L1CAM: variants seen among roughly 807,000 people sequenced by gnomAD.
L1CAM encodes L1 cell adhesion molecule.
Under a neutral mutation model 93.0 loss-of-function variants are expected in L1CAM, and 8 were observed. The ratio of observed to expected loss-of-function variants is 0.09; its 90% CI spans 0.05 to 0.16. L1CAM has a LOEUF of 0.16. Ranked by LOEUF, L1CAM falls within the 10% of genes least tolerant of loss-of-function variation. L1CAM has a pLI of 1.00. For synonymous variants in L1CAM, 453 were observed against 453.0 expected (o/e 1.00, Z 0.00); for missense variants, 777 against 1,073.4 (o/e 0.72, Z 3.86).
chrX:153,868,426 T>C lies in L1CAM; in HGVS notation c.1579A>G (p.Thr527Ala). The C allele has an allele frequency of 1.7e-6, 2 of 1,211,887 alleles. No homozygotes were observed. The highest frequency in any genetic ancestry group is 2.2e-6 in the Non-Finnish European group (2 of 895,515). Residue 527 changes from threonine (T) to alanine (A), a missense_variant, in exon 14 of 29, where the codon ACA (threonine) becomes GCA (alanine). This residue lies in a region of L1CAM where 574 missense variants were observed against 781.0 expected (regional missense o/e 0.73). Coordinates refer to ENST00000370060, the MANE Select transcript of L1CAM (RefSeq NM_001278116.2). ...ACCCTGGAACCTTTCTTCTCGATTG[T>C]GCTGCGGGGCCCCTGAGTGATCTGA... ...ATQITQGPRSTIEKKGSRVTF... is the reference protein window; with the variant it reads ...ATQITQGPRSAIEKKGSRVTF...
At chrX:153,884,766 C>T (rs920567899) in intron 1 of L1CAM, among the ~76,000 whole-genome samples, 1 of 112,784 alleles carries the variant, frequency 8.9e-6, no homozygotes, top group Non-Finnish European at 1.9e-5. Flanking sequence ...CCACCACCTG[C>T]AGCAAGGAGC....
chrX:153,879,691 G>A (rs1203944087), intron 1 of L1CAM, among the ~76,000 whole-genome samples: 2 of 110,888 alleles, frequency 1.8e-5, no homozygotes, highest in Non-Finnish European at 3.8e-5. Context: ...GGCAAGGGAC[G>A]GCCGTGAGAC....
intron 1 of L1CAM, among the ~76,000 whole-genome samples, chrX:153,879,231 A>G (rs918120956): frequency 9.0e-6 from 1 of 111,113 alleles, no homozygotes; most frequent in Non-Finnish European, 1.9e-5. Context: ...AGGGGGGAGC[A>G]GGAGACAAAG....
chrX:153,871,294 G>A, intron 5 of L1CAM, 115 bp from the exon 6 acceptor site: 1 of 680,066 alleles, frequency 1.5e-6, no homozygotes, highest in Admixed American at 2.7e-5. Flanking sequence ...GAGGGGGCGA[G>A]AGGGTCAGGC....
chrX:153,869,445 C>T, intron 11 of L1CAM, 75 bp downstream of exon 11: 1 of 1,142,790 alleles, frequency 8.8e-7, no homozygotes, highest in Admixed American at 2.2e-5. Flanking sequence ...GCCAGCTGAG[C>T]CACTCTGGTG....
chrX:153,881,502 G>A (rs2064844784), intron 1 of L1CAM, among the ~76,000 whole-genome samples: 1 of 111,550 alleles, frequency 9.0e-6, no homozygotes, highest in African/African-American at 3.3e-5. Flanking sequence ...ATCTTGGGAT[G>A]GAGGCCATGC....
chrX:153,882,249 T>A lies in L1CAM; in HGVS notation c.-109+3816A>T, dbSNP rs986809886. ...TCCCCAGGGCTTGGGCATTCCTAAG[T>A]CATGAACACAGACGCAGATGGCTGG... On this transcript the variant is annotated intron_variant, in intron 1 of 28. Coordinates refer to ENST00000370060, the MANE Select transcript of L1CAM (RefSeq NM_001278116.2). 6.3e-5 allele frequency among the ~76,000 whole-genome samples: 7 copies of A among 110,686 alleles called. No homozygotes were observed. The East Asian group carries it at 2.0e-3, about 32-fold the overall frequency.
chrX:153,867,071 T>C lies in L1CAM; in HGVS notation c.2191A>G (p.Met731Val). The stretch of plus-strand genomic sequence containing the variant: ...ACTCTCACCTTCCACGTGATGACCA[T>C]ATTGGTGGTCTCATTTCCTTCCCCC... ...VKGEGNETTN[M>V]VITWKPLRWM... The change falls in exon 18 of 29, where the codon ATG (methionine) becomes GTG (valine). Residue 731 changes from methionine (M) to valine (V), a missense_variant. Coordinates refer to ENST00000370060, the MANE Select transcript of L1CAM (RefSeq NM_001278116.2). The C allele has an allele frequency of 8.3e-7, 1 of 1,210,379 alleles. No individual in the cohort carries two copies. The highest frequency in any genetic ancestry group is 1.1e-6 in the Non-Finnish European group (1 of 894,549).
intron 1 of L1CAM, among the ~76,000 whole-genome samples, chrX:153,879,627 G>A (rs1441741675): frequency 2.7e-5 from 3 of 112,279 alleles, no homozygotes; most frequent in African/African-American, 6.5e-5. Context: ...GGCCGGAGGG[G>A]CCTACAAAGC....
intron 20 of L1CAM, 83 bp from the exon 21 acceptor site, chrX:153,865,583 G>A: frequency 9.5e-7 from 1 of 1,053,759 alleles, no homozygotes; most frequent in Non-Finnish European, 1.3e-6. Flanking sequence ...CCCTTAATGG[G>A]GACCCTCCTC....
chrX:153,867,942 G>T, intron 15 of L1CAM, 32 bp from the exon 16 acceptor site: 3 of 1,209,774 alleles, frequency 2.5e-6, no homozygotes, highest in Non-Finnish European at 3.4e-6. Context: ...GCTTGAAAGG[G>T]CCCAGGGATG....
At chrX:153,871,289 G>A in intron 5 of L1CAM, 110 bp from the exon 6 acceptor site, 3 of 711,161 alleles carry the variant, frequency 4.2e-6, no homozygotes, top group Non-Finnish European at 4.3e-6. Context: ...TGGACGAGGG[G>A]GCGAGAGGGT....
At chrX:153,884,099 C>T (rs1557096389) in intron 1 of L1CAM, 1 of 650,517 alleles carries the variant, frequency 1.5e-6, no homozygotes, top group Non-Finnish European at 2.2e-6. Context: ...CTTTTCCCTT[C>T]AGATAATCAT....
chrX:153,875,850 A>G lies in L1CAM; in HGVS notation c.-14T>C, dbSNP rs374813032. The G allele has an allele frequency of 6.0e-5, 72 of 1,199,976 alleles. No individual in the cohort carries two copies. The African/African-American group carries it at 1.1e-3, about 18-fold the overall frequency. ...CGCCACGACCATCTTTCCCGGCGGC[A>G]CCGCGCAGCACAGCCAGCCGGGCTC... On this transcript the variant is annotated 5_prime_UTR_variant, in exon 2 of 29. Transcript: ENST00000370060.
chrX:153,871,202 C>T, intron 5 of L1CAM, 23 bp from the exon 6 acceptor site: 1 of 1,190,027 alleles, frequency 8.4e-7, no homozygotes, highest in Non-Finnish European at 1.1e-6. Context: ...GACGGGCTGA[C>T]ACTCTCCTCC....
intron 22 of L1CAM, 31 bp from the exon 23 acceptor site, chrX:153,865,025 T>G: frequency 5.0e-6 from 6 of 1,211,970 alleles, no homozygotes; most frequent in Non-Finnish European, 6.7e-6. Context: ...TGGCTGTGGC[T>G]GCAGCTCTGC....
At position 153,863,688 on chromosome X, in the gene L1CAM, C is replaced by T. The variant is rs56328570; in HGVS notation, c.3458-139G>A. Reference sequence around the variant, plus strand: ...AGGCCTTGAAAGAAACCGCTCACCCCCTGCGGTCCAGCCACCACTTGCCTG... The same window carrying T: ...AGGCCTTGAAAGAAACCGCTCACCCTCTGCGGTCCAGCCACCACTTGCCTG... On this transcript the variant is annotated intron_variant, in intron 26 of 28. Coordinates refer to ENST00000370060, the MANE Select transcript of L1CAM (RefSeq NM_001278116.2). The T allele has an allele frequency of 7.6e-3, 6,207 of 817,106 alleles. 237 individuals are homozygous for T. In the African/African-American group the frequency reaches 0.11, roughly 15 times the overall value. The allele number at this position is 817,106 out of a possible 1,213,427, so 67.3% of individuals were successfully genotyped here. A position where few individuals can be genotyped will look rare whatever the true frequency, so the allele number is the denominator to read the frequency against.
chrX:153,874,429 G>C (rs4243542), intron 2 of L1CAM, among the ~76,000 whole-genome samples: 1 of 112,806 alleles, frequency 8.9e-6, no homozygotes, highest in Non-Finnish European at 1.9e-5. Flanking sequence ...GCCTCTCAGC[G>C]GCTCTGCTCC....
rs398123361 is a variant in L1CAM, at chrX:153,867,350, A to ACACACCTGC, written c.2137+5_2137+6insGCAGGTGTG. 97 of 1,199,639 alleles carry ACACACCTGC rather than the reference A, an allele frequency of 8.1e-5. No homozygotes were observed. The highest frequency in any genetic ancestry group is 1.0e-4 in the Non-Finnish European group (91 of 889,192). On this transcript the variant is annotated splice_donor_region_variant and intron_variant, in intron 17 of 28. Coordinates refer to ENST00000370060, the MANE Select transcript of L1CAM (RefSeq NM_001278116.2). ...TGGCATGGGAGTGGGTGCCACCCTG[A>ACACACCTGC]CTCACCTGCCTCAGGTGTGACCACA...
Sources: allele counts gnomAD v4.1 joint callset (sites outside exome capture counted in the v4.1 genomes callset), GRCh38; gene constraint gnomAD v4.1.1; regional missense constraint gnomAD v4.1.1; transcripts MANE v1.5; gene names NCBI Gene and HGNC (gene_info 2026-07-23, HGNC 2026-07-21).